The following PPP2R2D variants were observed in gnomAD, a reference collection of about 807,000 sequenced individuals.
PPP2R2D encodes the protein serine/threonine-protein phosphatase 2A 55 kDa regulatory subunit B delta isoform.
A neutral mutation model predicts 31.1 loss-of-function variants in PPP2R2D; 9 were observed. The ratio of observed to expected loss-of-function variants is 0.29; its 90% CI spans 0.17 to 0.51. PPP2R2D has a LOEUF of 0.51. Ranked by LOEUF, PPP2R2D falls within the 20% of genes least tolerant of loss-of-function variation. The pLI, the probability that PPP2R2D is intolerant of heterozygous loss-of-function variation, is 0.98. For missense variants in PPP2R2D, 391 were observed against 465.6 expected (o/e 0.84, Z 1.48); for synonymous variants, 179 against 172.6 (o/e 1.04, Z -0.29).
chr10:131,911,558 G>A (rs1488529727), intron 2 of PPP2R2D: 4 of 152,246 alleles, frequency 2.6e-5, no homozygotes, highest in African/African-American at 9.6e-5. Flanking sequence ...CCCTGCCTGT[G>A]CAGGGCGTGG....
At chr10:131,926,834 T>A (rs1329551277) in intron 2 of PPP2R2D, among the ~76,000 whole-genome samples, 1 of 152,260 alleles carries the variant, frequency 6.6e-6, no homozygotes, top group Non-Finnish European at 1.5e-5. Flanking sequence ...GCACCTTGCC[T>A]CTGCCCAGCG....
At chr10:131,921,753 G>A (rs1340766970) in intron 2 of PPP2R2D, among the ~76,000 whole-genome samples, 1 of 152,192 alleles carries the variant, frequency 6.6e-6, no homozygotes. Flanking sequence ...AAGTGACTAT[G>A]TTGGTGATTG....
intron 2 of PPP2R2D, among the ~76,000 whole-genome samples, chr10:131,904,752 C>T (rs1321687678): frequency 6.6e-6 from 1 of 152,136 alleles, no homozygotes; most frequent in African/African-American, 2.4e-5. Context: ...GAGATTAAGG[C>T]CTGGGTCCTC....
At chr10:131,969,395 C>G in the PPP2R2D span, 1 of 152,144 alleles carries the variant, frequency 6.6e-6, no homozygotes, top group Non-Finnish European at 1.5e-5. Flanking sequence ...CTTGACAGTT[C>G]TGGAAAAGGC....
Position 131,955,787 on chromosome 10 carries a change from G to A in PPP2R2D, c.1186G>A (p.Ala396Thr), listed in dbSNP as rs1017840584. 2.0e-5 allele frequency: 32 copies of A among 1,594,926 alleles called. No homozygotes were observed. The highest frequency in any genetic ancestry group is 4.0e-5 in the African/African-American group (3 of 74,210). Residue 396 changes from alanine to threonine, a missense_variant, in exon 9 of 9, where the codon GCC becomes ACC. Around this residue, in one of 3 missense-constraint regions of PPP2R2D, gnomAD observed 163 missense variants for 179.5 expected, o/e 0.91. Coordinates refer to ENST00000455566, the MANE Select transcript of PPP2R2D (RefSeq NM_018461.5). ...CTCGAGAGAGAGCAGCAAACCGCGC[G>A]CCAGCCTCAAACCCCGGAAGGTGTG... Reference protein sequence around the residue: ...EASRESSKPRASLKPRKVCTG... With the variant: ...EASRESSKPRTSLKPRKVCTG...
intron 2 of PPP2R2D, among the ~76,000 whole-genome samples, chr10:131,913,349 A>G (rs928591937): frequency 5.9e-5 from 9 of 152,058 alleles, no homozygotes; most frequent in East Asian, 1.9e-4. Flanking sequence ...TTCTTTATGC[A>G]TTATGAATAT....
At chr10:131,961,657 G>A (rs1390591723), downstream of PPP2R2D, among the ~76,000 whole-genome samples, 2 of 152,172 alleles carry the variant, frequency 1.3e-5, no homozygotes, top group Admixed American at 6.5e-5. Context: ...CGGCACCCCC[G>A]AAGCTGTGAC....
chr10:131,904,233 C>T (rs1285646920), intron 2 of PPP2R2D, among the ~76,000 whole-genome samples: 1 of 141,686 alleles, frequency 7.1e-6, no homozygotes. Context: ...GAGAGATGGC[C>T]GGGCGCAGTG....
In PPP2R2D at chr10:131,958,589, G is replaced by A; in HGVS notation, c.*2626G>A. 4.5e-6 allele frequency: 1 copy of A among 220,276 alleles called. No homozygotes were observed. The allele number at this position is 220,276 out of a possible 1,614,324, so 13.6% of individuals were successfully genotyped here. A position where few individuals can be genotyped will look rare whatever the true frequency, so the allele number is the denominator to read the frequency against. On this transcript the variant is annotated 3_prime_UTR_variant, in exon 9 of 9. Coordinates refer to ENST00000455566, the MANE Select transcript of PPP2R2D (RefSeq NM_018461.5). Reference sequence around the variant, plus strand: ...TGCTGATCCCCTGTCCCCCTGTGGGGATGAAGGTGTGTGCTGATCTCTTGT... The same window carrying A: ...TGCTGATCCCCTGTCCCCCTGTGGGAATGAAGGTGTGTGCTGATCTCTTGT...
rs535725761 is a variant in PPP2R2D, at chr10:131,959,823, T to C, written c.*3860T>C. On this transcript the variant is annotated 3_prime_UTR_variant, in exon 9 of 9. Coordinates refer to ENST00000455566, the MANE Select transcript of PPP2R2D (RefSeq NM_018461.5). ...ACCAAAAAGTTCAATAAATTTTAAATGTTTAACTGGATTTTCACTGCGTAT... is the reference window on the plus strand; with the variant it reads ...ACCAAAAAGTTCAATAAATTTTAAACGTTTAACTGGATTTTCACTGCGTAT... 6.6e-6 allele frequency: 1 copy of C among 152,368 alleles called. No individual in the cohort carries two copies. Among genetic ancestry groups the C allele is most frequent in the East Asian group, 1.9e-4 (1 of 5,188 alleles). 9.4% of individuals were successfully genotyped at this position (152,368 alleles called of 1,614,324 possible).
chr10:131,948,380 T>C (rs1027455205), intron 8 of PPP2R2D, among the ~76,000 whole-genome samples: 1 of 152,236 alleles, frequency 6.6e-6, no homozygotes, highest in Non-Finnish European at 1.5e-5. Context: ...TTTCAGATGA[T>C]GGAAGATTGT....
chr10:131,903,704 C>T (rs1178549401), intron 2 of PPP2R2D, among the ~76,000 whole-genome samples: 1 of 152,118 alleles, frequency 6.6e-6, no homozygotes, highest in East Asian at 1.9e-4. Flanking sequence ...TATGCTTTGG[C>T]CATAGTAACC....
At chr10:131,934,379 T>C in intron 2 of PPP2R2D, 79 bp from the exon 3 acceptor site, 1 of 707,126 alleles carries the variant, frequency 1.4e-6, no homozygotes, top group Non-Finnish European at 2.6e-6. Flanking sequence ...GTCCTTTTGC[T>C]CTTTTTTATT....
At chr10:131,970,538 G>T in the PPP2R2D span, 1 of 1,454,308 alleles carries the variant, frequency 6.9e-7, no homozygotes. This position sits in a 1 kb window ranked among gnomAD's most constrained non-coding sequence, Gnocchi z 4.1. Context: ...AGCTGTAACT[G>T]ATGATCTGGA....
At chr10:131,939,451 T>C (rs1242090329) in intron 3 of PPP2R2D, among the ~76,000 whole-genome samples, 1 of 12,150 alleles carries the variant, frequency 8.2e-5, no homozygotes, top group African/African-American at 4.5e-4. Context: ...CACGGCAGGC[T>C]GCATTCGGCA....
intron 2 of PPP2R2D, among the ~76,000 whole-genome samples, chr10:131,907,083 G>T (rs1393324612): frequency 6.6e-6 from 1 of 151,896 alleles, no homozygotes; most frequent in Non-Finnish European, 1.5e-5. Flanking sequence ...CTAAGATGTG[G>T]GGAAATGTAC....
At chr10:131,910,477 A>T (rs1045313972) in intron 2 of PPP2R2D, among the ~76,000 whole-genome samples, 2 of 152,238 alleles carry the variant, frequency 1.3e-5, no homozygotes, top group African/African-American at 4.8e-5. Context: ...GGTAACAAAT[A>T]CTGTCAGTTA....
rs2036479126 is a variant in PPP2R2D, at chr10:131,943,564, G to A, written c.478-404G>A. Among the ~76,000 whole-genome samples the A allele has an allele frequency of 2.0e-5, 3 of 152,266 alleles. No homozygotes were observed. In the South Asian group the frequency reaches 6.2e-4, roughly 32 times the overall value. On this transcript the variant is annotated intron_variant, in intron 5 of 8. Transcript: ENST00000455566. ...TAGTCCTAGTGCAGTGAGAAGAGGTGTGTGCATCTAGCTGCAAGGAGAGGA... is the reference window on the plus strand; with the variant it reads ...TAGTCCTAGTGCAGTGAGAAGAGGTATGTGCATCTAGCTGCAAGGAGAGGA...
the PPP2R2D span, chr10:131,967,870 T>C: frequency 6.6e-6 from 1 of 152,268 alleles, no homozygotes; most frequent in African/African-American, 2.4e-5. Flanking sequence ...AGCAGAAAAC[T>C]GATCATCCAG....
Sources: gnomAD v4.1 joint callset for allele counts (sites outside exome capture counted in the v4.1 genomes callset) on GRCh38, gnomAD v4.1.1 for gene constraint, gnomAD v4.1.1 regional missense constraint, Gnocchi (gnomAD v3.1) non-coding constraint, MANE v1.5 for transcripts, NCBI Gene and HGNC (gene_info 2026-07-23, HGNC 2026-07-21) for gene names.